The following LGALS8 variants were observed in gnomAD, a reference collection of about 807,000 sequenced individuals.
LGALS8 encodes galectin-8.
A neutral mutation model predicts 35.9 loss-of-function variants in LGALS8; 30 were observed. The observed-to-expected ratio is 0.83, with a 90% CI of 0.62 to 1.13. The LOEUF (loss-of-function observed/expected upper bound fraction) is 1.13. Ranked by LOEUF, LGALS8 falls within the 50% of genes most tolerant of loss-of-function variation. The probability of loss-of-function intolerance (pLI) is 0.00; values close to 1 mark genes in which losing one functional copy is unlikely to be tolerated. For missense variants in LGALS8, 366 were observed against 388.7 expected (o/e 0.94, Z 0.49); for synonymous variants, 138 against 136.1 (o/e 1.01, Z -0.10).
upstream of LGALS8, among the ~76,000 whole-genome samples, chr1:236,520,787 G>T (rs1267459329): frequency 6.6e-6 from 1 of 152,178 alleles, no homozygotes; most frequent in Non-Finnish European, 1.5e-5. Context: ...CCAATCTCAT[G>T]ATGTCATATC....
chr1:236,522,175 A>G (rs1344625016), upstream of LGALS8, among the ~76,000 whole-genome samples: 1 of 152,242 alleles, frequency 6.6e-6, no homozygotes. Context: ...GAACATTTTA[A>G]TCCAGATTTT....
upstream of LGALS8, among the ~76,000 whole-genome samples, chr1:236,520,059 C>T (rs1022422934): frequency 1.4e-5 from 2 of 147,312 alleles, no homozygotes; most frequent in South Asian, 2.1e-4. Flanking sequence ...TGGGTTCAAG[C>T]GATTCTCATG....
upstream of LGALS8, chr1:236,523,618 C>G (rs1660625122): frequency 6.0e-6 from 1 of 167,466 alleles, no homozygotes; most frequent in Non-Finnish European, 1.3e-5. Context: ...AGGCCTGGAA[C>G]AGCCAGGTGG....
intron 6 of LGALS8, chr1:236,542,433 T>G: frequency 2.9e-6 from 1 of 341,050 alleles, no homozygotes; most frequent in Non-Finnish European, 5.4e-6. Context: ...TGAGCCATGA[T>G]TGAGCCACTG....
intron 9 of LGALS8, among the ~76,000 whole-genome samples, chr1:236,546,751 G>A (rs1159788462): frequency 6.6e-6 from 1 of 152,206 alleles, no homozygotes; most frequent in Non-Finnish European, 1.5e-5. Context: ...CTGCCAACTT[G>A]GTTTTCCTTC....
At chr1:236,524,568 G>A in intron 1 of LGALS8, 1 of 381,574 alleles carries the variant, frequency 2.6e-6, no homozygotes, top group East Asian at 7.4e-5. Flanking sequence ...ACATTGCAAA[G>A]CGCAAGTCAT....
intron 2 of LGALS8, among the ~76,000 whole-genome samples, chr1:236,534,115 C>G (rs535898828): frequency 1.3e-5 from 2 of 152,274 alleles, no homozygotes; most frequent in East Asian, 3.9e-4. Context: ...GCTGGAAGTT[C>G]TAATGGGCAG....
Position 236,543,670 on chromosome 1 carries a change from TCA to T in LGALS8, c.638+25_638+26del, listed in dbSNP as rs767608562. On this transcript the variant is annotated intron_variant, in intron 8 of 9. Transcript: ENST00000366584. ...AAAGGTCAGTATCCTTCGGTACCAG[TCA>T]CAGTGCAGATACTTCCGTGCCTGTT... 4 of 1,557,642 alleles carry T rather than the reference TCA, an allele frequency of 2.6e-6. No individual in the cohort carries two copies. The Admixed American group carries it at 5.0e-5, about 19-fold the overall frequency.
upstream of LGALS8, among the ~76,000 whole-genome samples, chr1:236,518,819 G>A (rs372274956): frequency 5.3e-4 from 80 of 152,146 alleles, 1 homozygote; most frequent in Middle Eastern, 6.8e-3. Context: ...ACTTAGCACC[G>A]CTATTTCATG....
chr1:236,531,570 C>A (rs1661150917), intron 2 of LGALS8, among the ~76,000 whole-genome samples: 1 of 152,146 alleles, frequency 6.6e-6, no homozygotes, highest in Non-Finnish European at 1.5e-5. Context: ...TGTGATCCAC[C>A]CATCTCAGCC....
rs1662001686 is a variant in LGALS8 at position 236,541,609 on chromosome 1, T to C, written c.466-45T>C. 1.2e-5 allele frequency: 9 copies of C among 753,658 alleles called. No individual in the cohort carries two copies. The South Asian group carries it at 1.3e-4, about 11-fold the overall frequency. The allele number at this position is 753,658 out of a possible 1,614,324, so 46.7% of individuals were successfully genotyped here. On this transcript the variant is annotated intron_variant, in intron 5 of 9. Transcript: ENST00000366584. ...GTCAATATAAAATATTTAGAAAATATTTTCTACTGGATGTTACAAATTAAT... is the reference window on the plus strand; with the variant it reads ...GTCAATATAAAATATTTAGAAAATACTTTCTACTGGATGTTACAAATTAAT...
At chr1:236,520,696 A>C (rs947650002), upstream of LGALS8, among the ~76,000 whole-genome samples, 8 of 152,030 alleles carry the variant, frequency 5.3e-5, no homozygotes, top group African/African-American at 1.9e-4. Flanking sequence ...GTCCCTTCTC[A>C]GTCTCATTTA....
At chr1:236,531,886 C>CA (rs974974845) in intron 2 of LGALS8, among the ~76,000 whole-genome samples, 1 of 152,104 alleles carries the variant, frequency 6.6e-6, no homozygotes, top group African/African-American at 2.4e-5. Flanking sequence ...AGCAAAATTG[C>CA]AAACGGAAAG....
intron 7 of LGALS8, 111 bp from the exon 8 acceptor site, chr1:236,543,449 G>T (rs1558166808): frequency 4.8e-6 from 4 of 840,580 alleles, no homozygotes; most frequent in Admixed American, 2.0e-5. Flanking sequence ...TCCCCTCCTG[G>T]GATTTACAGG....
At chr1:236,539,166 C>A in intron 4 of LGALS8, 77 bp downstream of exon 4, 3 of 1,193,408 alleles carry the variant, frequency 2.5e-6, no homozygotes, top group South Asian at 1.2e-5. Context: ...CATTTGTGAG[C>A]CCAGCCTTAT....
chr1:236,548,774 TTTTC>T lies in LGALS8; in HGVS notation c.*617_*620del, dbSNP rs10534773. 0.63 allele frequency: 250,324 copies of T among 394,258 alleles called. 81,319 individuals are homozygous for T. Among genetic ancestry groups the T allele is most frequent in the Non-Finnish European group, 0.69 (153,817 of 224,138 alleles). The allele number at this position is 394,258 out of a possible 1,614,324, so 24.4% of individuals were successfully genotyped here. Reference sequence around the variant, plus strand: ...TGAGGACTGATGTTGACTGACATCATTTTCTTTATCGTAATAAACATGTGGCTCT... The same window carrying T: ...TGAGGACTGATGTTGACTGACATCATTTTATCGTAATAAACATGTGGCTCT... On this transcript the variant is annotated 3_prime_UTR_variant, in exon 10 of 10. Coordinates refer to ENST00000366584, the MANE Select transcript of LGALS8 (RefSeq NM_201544.4).
chr1:236,519,387 T>C (rs1660491165), upstream of LGALS8, among the ~76,000 whole-genome samples: 1 of 150,186 alleles, frequency 6.7e-6, no homozygotes, highest in South Asian at 2.1e-4. Context: ...TGAGACTCTG[T>C]CTCAAAAAAA....
At chr1:236,521,077 G>C (rs1488877989), upstream of LGALS8, among the ~76,000 whole-genome samples, 1 of 152,156 alleles carries the variant, frequency 6.6e-6, no homozygotes, top group Non-Finnish European at 1.5e-5. Context: ...TCCTCAACTA[G>C]AGTATAAGCT....
Position 236,533,614 on chromosome 1 carries a change from GT to G in LGALS8, c.46-3881del, listed in dbSNP as rs1466101261. On this transcript the variant is annotated intron_variant, in intron 2 of 9. Transcript: ENST00000366584. ...CTCCCAAAATGCTGGGATTACAGGT[GT>G]TAGCCACTGCGCCTGACCCCCATTT... Among the ~76,000 whole-genome samples, 3 of 149,964 alleles carry G rather than the reference GT, an allele frequency of 2.0e-5. No individual in the cohort carries two copies. In the East Asian group the frequency reaches 5.9e-4, roughly 30 times the overall value.
Sources: gnomAD v4.1 joint callset for allele counts (sites outside exome capture counted in the v4.1 genomes callset) on GRCh38, gnomAD v4.1.1 for gene constraint, MANE v1.5 for transcripts, NCBI Gene and HGNC (gene_info 2026-07-23, HGNC 2026-07-21) for gene names.